FAM149A: variants seen among roughly 807,000 people sequenced by gnomAD.
FAM149A encodes protein FAM149A.
A neutral mutation model predicts 78.2 loss-of-function variants in FAM149A; 71 were observed. That is an observed-to-expected ratio of 0.91 (90% CI 0.75 to 1.11). FAM149A has a LOEUF of 1.11. FAM149A is among the 50% of genes least tolerant of loss of function. The pLI, the probability that FAM149A is intolerant of heterozygous loss-of-function variation, is 0.00. For missense variants in FAM149A, 1,036 were observed against 971.0 expected (o/e 1.07, Z -0.89); for synonymous variants, 446 against 410.5 (o/e 1.09, Z -1.04).
intron 1 of FAM149A, chr4:186,126,143 TG>T (rs1304486578): frequency 4.0e-5 from 39 of 972,768 alleles, no homozygotes; most frequent in Non-Finnish European, 4.8e-5. Context: ...TCATATCACT[TG>T]CCCTGTCCAT....
At chr4:186,129,051 CTGTG>C (rs370541499) in intron 1 of FAM149A, among the ~76,000 whole-genome samples, 60 of 151,106 alleles carry the variant, frequency 4.0e-4, no homozygotes, top group African/African-American at 1.2e-3. Context: ...GAATGTGTGT[CTGTG>C]TGTGTATCTG....
At chr4:186,142,162 A>C (rs1205053033) in intron 1 of FAM149A, among the ~76,000 whole-genome samples, 5 of 152,204 alleles carry the variant, frequency 3.3e-5, no homozygotes, top group Non-Finnish European at 1.5e-5. Context: ...CCTCAAGGCA[A>C]GGCAGCAGGA....
intron 13 of FAM149A, among the ~76,000 whole-genome samples, chr4:186,170,519 C>T (rs1044895355): frequency 4.6e-5 from 7 of 152,172 alleles, no homozygotes; most frequent in Non-Finnish European, 8.8e-5. Flanking sequence ...TGGCCCTGTC[C>T]GGGGCCAACC....
chr4:186,166,979 G>C lies in FAM149A; in HGVS notation c.2022G>C (p.Arg674Ser). The C allele has an allele frequency of 6.2e-7, 1 of 1,613,768 alleles. No individual in the cohort carries two copies. The highest frequency in any genetic ancestry group is 8.5e-7 in the Non-Finnish European group (1 of 1,179,838). The change falls in exon 12 of 14, where the codon AGG (arginine) becomes AGC (serine). Residue 674 changes from arginine (R) to serine (S), a missense_variant. Around this residue, in one of 3 missense-constraint regions of FAM149A, gnomAD observed 716 missense variants for 711.8 expected, o/e 1.01. Coordinates refer to ENST00000389354, the MANE Select transcript of FAM149A (RefSeq NM_001367768.3). ...TATCCTTCATTTAGTACAGAGGAAG[G>C]CATCTACAAAACCGTGTGTTGAGTG...
At chr4:186,136,992 C>CTCTCTCTCTCTCTCTT (rs2099323480) in intron 1 of FAM149A, among the ~76,000 whole-genome samples, 5 of 126,792 alleles carry the variant, frequency 3.9e-5, no homozygotes, top group African/African-American at 1.4e-4. Flanking sequence ...CTCTCTCTCT[C>CTCTCTCTCTCTCTCTT]TCTCTCTCTC....
Position 186,171,899 on chromosome 4 carries a change from GC to G in FAM149A, c.2219-14del. ...AACATTTTAATGAGAATTACCTTTT[GC>G]TTGGTGTTTCCAGGTTCACAATATG... On this transcript the variant is annotated splice_polypyrimidine_tract_variant and intron_variant, in intron 13 of 13. Coordinates refer to ENST00000389354, the MANE Select transcript of FAM149A (RefSeq NM_001367768.3). The G allele has an allele frequency of 6.3e-7, 1 of 1,599,930 alleles. No homozygotes were observed. The highest frequency in any genetic ancestry group is 8.5e-7 in the Non-Finnish European group (1 of 1,174,012).
intron 13 of FAM149A, among the ~76,000 whole-genome samples, chr4:186,168,460 A>T (rs1475213446): frequency 6.6e-6 from 1 of 152,226 alleles, no homozygotes; most frequent in Non-Finnish European, 1.5e-5. Context: ...GGTTCAAGCG[A>T]TTCTGCTGCC....
At chr4:186,119,417 A>G (rs2099315061) in intron 1 of FAM149A, among the ~76,000 whole-genome samples, 1 of 152,252 alleles carries the variant, frequency 6.6e-6, no homozygotes, top group African/African-American at 2.4e-5. Context: ...TGATTATGGA[A>G]CTTTGCAATG....
chr4:186,156,233 C>T, intron 7 of FAM149A, 43 bp downstream of exon 7: 2 of 1,559,928 alleles, frequency 1.3e-6, no homozygotes, highest in Non-Finnish European at 1.7e-6. Flanking sequence ...GAAAAAGTCC[C>T]TGTTCTTCGG....
Position 186,105,199 on chromosome 4 carries a change from C to G in FAM149A, c.123C>G (p.Gly41=). The G allele has an allele frequency of 1.6e-6, 2 of 1,271,124 alleles. No individual in the cohort carries two copies. The highest frequency in any genetic ancestry group is 2.0e-6 in the Non-Finnish European group (2 of 981,122). 78.7% of individuals were successfully genotyped at this position (1,271,124 alleles called of 1,614,324 possible). A position where few individuals can be genotyped will look rare whatever the true frequency, so the allele number is the denominator to read the frequency against. The stretch of plus-strand genomic sequence containing the variant: ...GTGCTGCCGCTGCAGGGTCGGGGGG[C>G]TCCAGGGCGGGCACCCCGTTGGGTA... Residue 41 remains glycine (G), a synonymous_variant, in exon 1 of 14, where the codon GGC becomes GGG. Transcript: ENST00000389354.
At chr4:186,140,545 A>G (rs1361180929) in intron 1 of FAM149A, among the ~76,000 whole-genome samples, 7 of 143,556 alleles carry the variant, frequency 4.9e-5, no homozygotes, top group Non-Finnish European at 1.5e-5. Context: ...TTGGCGTCCC[A>G]AGGTGCTGAG....
intron 1 of FAM149A, among the ~76,000 whole-genome samples, chr4:186,132,684 A>G (rs974011403): frequency 1.3e-5 from 2 of 152,206 alleles, no homozygotes; most frequent in African/African-American, 2.4e-5. Context: ...GGAATGGCCA[A>G]TTCGGTGCTT....
intron 1 of FAM149A, chr4:186,117,728 G>T (rs2150087149): frequency 1.1e-6 from 1 of 927,436 alleles, no homozygotes; most frequent in South Asian, 5.0e-5. Flanking sequence ...GATTTAGGTA[G>T]AGAAGTGGCA....
chr4:186,160,275 AAC>A, intron 8 of FAM149A, among the ~76,000 whole-genome samples: 1 of 124,970 alleles, frequency 8.0e-6, no homozygotes, highest in South Asian at 2.7e-4. Flanking sequence ...ACCCGACACA[AAC>A]ACACCACACA....
chr4:186,128,411 T>G (rs189972831), intron 1 of FAM149A, among the ~76,000 whole-genome samples: 52 of 152,088 alleles, frequency 3.4e-4, no homozygotes, highest in Admixed American at 8.5e-4. Context: ...GAAGGGAAAT[T>G]GTGCTCTGCA....
chr4:186,111,253 T>A (rs1471790193), intron 1 of FAM149A, among the ~76,000 whole-genome samples: 2 of 152,008 alleles, frequency 1.3e-5, no homozygotes, highest in African/African-American at 4.8e-5. Flanking sequence ...TTTGTTTTTT[T>A]CTTGTAAATT....
chr4:186,158,642 C>T (rs1734269020), intron 8 of FAM149A: 3 of 1,088,064 alleles, frequency 2.8e-6, no homozygotes, highest in African/African-American at 1.7e-5. Context: ...CACACTGCCG[C>T]CCAGGTTGAG....
At chr4:186,159,988 A>G (rs948750699) in intron 8 of FAM149A, among the ~76,000 whole-genome samples, 1 of 148,798 alleles carries the variant, frequency 6.7e-6, no homozygotes, top group Non-Finnish European at 1.5e-5. Flanking sequence ...CCACACACAC[A>G]CACTGCACAC....
intron 11 of FAM149A, among the ~76,000 whole-genome samples, chr4:186,166,704 C>A (rs1238920729): frequency 8.0e-6 from 1 of 124,684 alleles, no homozygotes; most frequent in Non-Finnish European, 1.7e-5. Context: ...TCTGCTACTT[C>A]ACAAATGCAG....
Sources: gnomAD v4.1 joint callset for allele counts (sites outside exome capture counted in the v4.1 genomes callset) on GRCh38, gnomAD v4.1.1 for gene constraint, gnomAD v4.1.1 regional missense constraint, MANE v1.5 for transcripts, NCBI Gene and HGNC (gene_info 2026-07-23, HGNC 2026-07-21) for gene names.